Variants in UXS1 observed in about 807,000 individuals in gnomAD.
The protein encoded by UXS1 is UDP-glucuronate decarboxylase 1.
UXS1 carries 33 observed loss-of-function variants against 62.6 expected under a neutral mutation model. The ratio of observed to expected loss-of-function variants is 0.53; its 90% CI spans 0.40 to 0.70. UXS1 has a LOEUF of 0.70. Ranked by LOEUF, UXS1 falls within the 30% of genes least tolerant of loss-of-function variation. UXS1 has a pLI of 0.00. For synonymous variants in UXS1, 213 were observed against 206.8 expected (o/e 1.03, Z -0.26); for missense variants, 434 against 556.3 (o/e 0.78, Z 2.21).
intron 11 of UXS1, among the ~76,000 whole-genome samples, chr2:106,103,198 T>C (rs1269047750): frequency 6.6e-6 from 1 of 152,238 alleles, no homozygotes; most frequent in Non-Finnish European, 1.5e-5. Flanking sequence ...CAAAATATTT[T>C]AGTCCTAGCA....
chr2:106,109,368 CAG>C (rs1170376675), intron 10 of UXS1, among the ~76,000 whole-genome samples: 1 of 152,142 alleles, frequency 6.6e-6, no homozygotes, highest in Admixed American at 6.5e-5. Flanking sequence ...AACATCATAC[CAG>C]CTTTGAATTG....
chr2:106,159,347 T>C (rs913417458), intron 4 of UXS1: 2 of 152,216 alleles, frequency 1.3e-5, no homozygotes, highest in African/African-American at 4.8e-5. Context: ...TCCAGGAATT[T>C]TCACAATCAC....
chr2:106,152,630 A>G (rs1682129034), intron 5 of UXS1, among the ~76,000 whole-genome samples: 1 of 152,070 alleles, frequency 6.6e-6, no homozygotes, highest in Non-Finnish European at 1.5e-5. Flanking sequence ...AAAGAAAGAA[A>G]ATATAAAATT....
At chr2:106,137,370 C>T (rs1680743441) in intron 6 of UXS1, among the ~76,000 whole-genome samples, 1 of 152,324 alleles carries the variant, frequency 6.6e-6, no homozygotes, top group South Asian at 2.1e-4. Context: ...ACACCTACTT[C>T]CAAGCTCCAG....
At chr2:106,111,338 G>T (rs1238947365) in intron 10 of UXS1, among the ~76,000 whole-genome samples, 1 of 152,204 alleles carries the variant, frequency 6.6e-6, no homozygotes, top group Non-Finnish European at 1.5e-5. Context: ...GACAGGGGGA[G>T]GTGGGAGAGC....
chr2:106,166,350 C>G, intron 1 of UXS1: 2 of 330,160 alleles, frequency 6.1e-6, no homozygotes, highest in Middle Eastern at 1.7e-3. Context: ...ATGCTCCCAT[C>G]AGCAGCAGTG....
chr2:106,145,569 T>A, intron 5 of UXS1, 199 bp from the exon 6 acceptor site: 1 of 493,366 alleles, frequency 2.0e-6, no homozygotes, highest in East Asian at 3.5e-5. Flanking sequence ...ATCTGTAAAC[T>A]CCTAAGCAGC....
chr2:106,180,985 T>C (rs1684205428), intron 1 of UXS1, among the ~76,000 whole-genome samples: 1 of 152,130 alleles, frequency 6.6e-6, no homozygotes, highest in African/African-American at 2.4e-5. Context: ...ACGATAACAA[T>C]GGAAAATGAA....
intron 5 of UXS1, among the ~76,000 whole-genome samples, chr2:106,154,606 T>C (rs1381329347): frequency 1.3e-5 from 2 of 152,182 alleles, no homozygotes; most frequent in East Asian, 1.9e-4. Flanking sequence ...CAGAGGGGCA[T>C]AGGCATGGCC....
chr2:106,143,590 T>C (rs1235934111), intron 6 of UXS1, among the ~76,000 whole-genome samples: 1 of 152,088 alleles, frequency 6.6e-6, no homozygotes, highest in African/African-American at 2.4e-5. Flanking sequence ...GGGCACAGTA[T>C]GGCTCAGCTG....
intron 7 of UXS1, among the ~76,000 whole-genome samples, chr2:106,126,635 G>T (rs1679978921): frequency 6.6e-6 from 1 of 152,116 alleles, no homozygotes; most frequent in South Asian, 2.1e-4. Context: ...CAAAATGAAG[G>T]ACTCTGAGAT....
intron 4 of UXS1, among the ~76,000 whole-genome samples, chr2:106,162,985 G>C (rs1682993603): frequency 6.6e-6 from 1 of 152,178 alleles, no homozygotes; most frequent in Non-Finnish European, 1.5e-5. Context: ...AATAAATGCT[G>C]TCATTTTTCT....
In UXS1 at chr2:106,166,112, T is replaced by C. The variant is rs779508045; in HGVS notation, c.95-29A>G. 1.3e-5 allele frequency: 21 copies of C among 1,606,418 alleles called. No homozygotes were observed. The East Asian group carries it at 4.0e-4, about 31-fold the overall frequency. On this transcript the variant is annotated intron_variant, in intron 1 of 14. Transcript: ENST00000283148. ...TAAGAGAAAGAAAAAAGGAAGTCAA[T>C]GTTTAAGTCCACAACTTTCAGGGAT...
At chr2:106,172,497 T>C (rs62143978) in intron 1 of UXS1, among the ~76,000 whole-genome samples, 17,253 of 152,200 alleles carry the variant, frequency 0.11, 1,254 homozygotes, top group South Asian at 0.22. Context: ...ATGTGTGAGG[T>C]CCGGTAGCCA....
chr2:106,143,289 G>T (rs1431965976), intron 6 of UXS1, among the ~76,000 whole-genome samples: 1 of 151,212 alleles, frequency 6.6e-6, no homozygotes, highest in South Asian at 2.1e-4. Context: ...AGTGCCTGTA[G>T]TCCCAGCTAC....
At chr2:106,192,481 G>T (rs1277123365) in intron 1 of UXS1, among the ~76,000 whole-genome samples, 1 of 152,026 alleles carries the variant, frequency 6.6e-6, no homozygotes, top group Non-Finnish European at 1.5e-5. Context: ...GTGAACCCGG[G>T]AGGTGGAGCG....
At position 106,093,721 on chromosome 2, in the gene UXS1, A is replaced by G. The variant is rs1676848552; in HGVS notation, c.*305T>C. On this transcript the variant is annotated 3_prime_UTR_variant, in exon 15 of 15. Coordinates refer to ENST00000283148, the MANE Select transcript of UXS1 (RefSeq NM_001253875.2). ...CAGCTTCACAAAGAAACCAGTAAAT[A>G]AAACTGTCAACGACAGTCACAACAT... The G allele has an allele frequency of 3.8e-6, 1 of 260,206 alleles. No individual in the cohort carries two copies. 16.1% of individuals were successfully genotyped at this position (260,206 alleles called of 1,614,324 possible).
chr2:106,097,593 C>T (rs1266700627), intron 13 of UXS1: 3 of 242,420 alleles, frequency 1.2e-5, no homozygotes, highest in Non-Finnish European at 2.5e-5. Context: ...GTTTCTCAAG[C>T]GTCAGCACGC....
intron 5 of UXS1, among the ~76,000 whole-genome samples, chr2:106,148,813 T>C (rs1228819427): frequency 6.6e-6 from 1 of 152,180 alleles, no homozygotes; most frequent in East Asian, 1.9e-4. Context: ...ATTCTTTGAA[T>C]AACAAGGAGC....
Sources: gnomAD v4.1 joint callset for allele counts (sites outside exome capture counted in the v4.1 genomes callset) on GRCh38, gnomAD v4.1.1 for gene constraint, MANE v1.5 for transcripts, NCBI Gene and HGNC (gene_info 2026-07-23, HGNC 2026-07-21) for gene names.